The following ZNF32 variants were observed in gnomAD, a reference collection of about 807,000 sequenced individuals.
The protein encoded by ZNF32 is C2H2-546.
In ZNF32, 13 loss-of-function variants were observed where a neutral mutation model predicts 24.4. The observed-to-expected ratio is 0.53, with a 90% CI of 0.35 to 0.85. The LOEUF (loss-of-function observed/expected upper bound fraction) is 0.85. Among genes scored for constraint, ZNF32 ranks in the 40% least tolerant of loss-of-function variants. The probability of loss-of-function intolerance (pLI) is 0.01; values close to 1 mark genes in which losing one functional copy is unlikely to be tolerated. For missense variants in ZNF32, 239 were observed against 325.3 expected, an observed-to-expected ratio of 0.73 and a Z score of 2.04; for synonymous variants, 115 against 117.4, an observed-to-expected ratio of 0.98 and a Z score of 0.13.
intron 1 of ZNF32, chr10:43,647,973 AT>A (rs1318627379): frequency 6.6e-6 from 1 of 152,194 alleles, no homozygotes; most frequent in Non-Finnish European, 1.5e-5. Context: ...TTTCCCCAAG[AT>A]TTTGTAAAAG....
In ZNF32 at chr10:43,643,961, C is replaced by A; in HGVS notation, c.*89G>T. The A allele has an allele frequency of 7.2e-7, 1 of 1,382,254 alleles. No homozygotes were observed. Among genetic ancestry groups the A allele is most frequent in the Non-Finnish European group, 9.6e-7 (1 of 1,037,566 alleles). The allele number at this position is 1,382,254 out of a possible 1,614,324, so 85.6% of individuals were successfully genotyped here. On this transcript the variant is annotated 3_prime_UTR_variant, in exon 3 of 3. Transcript: ENST00000374433. ...ATGATGGTCTTTCTGAAAGATTCTC[C>A]ATTCATTCCATAGAACTGGATAGGT...
At chr10:43,648,289 T>A (rs1181945629) in intron 1 of ZNF32, among the ~76,000 whole-genome samples, 4 of 152,176 alleles carry the variant, frequency 2.6e-5, no homozygotes, top group African/African-American at 9.6e-5. Flanking sequence ...GGGGTACACT[T>A]GGCGGTCTGG....
chr10:43,646,607 T>C (rs1331265188), intron 1 of ZNF32, among the ~76,000 whole-genome samples: 1 of 152,224 alleles, frequency 6.6e-6, no homozygotes, highest in African/African-American at 2.4e-5. Flanking sequence ...TCATGATTGG[T>C]TGGAGCCAAT....
At position 43,644,278 on chromosome 10, in the gene ZNF32, G is replaced by A; in HGVS notation, c.594C>T (p.Phe198=). Residue 198 remains phenylalanine (F), a synonymous_variant, in exon 3 of 3, where the codon TTC becomes TTT. Coordinates refer to ENST00000374433, the MANE Select transcript of ZNF32 (RefSeq NM_006973.3). This position sits in a 1 kb window ranked among gnomAD's most constrained non-coding sequence, Gnocchi z 5.3. ...GAACAATTAAGCTTCCTTTCTGACTGAAGGCTTTTCCACACTGATCACATC... is the reference window on the plus strand; with the variant it reads ...GAACAATTAAGCTTCCTTTCTGACTAAAGGCTTTTCCACACTGATCACATC... ...PYRCDQCGKA[F]SQKGSLIVHI... 1 of 1,614,242 alleles carries A rather than the reference G, an allele frequency of 6.2e-7. No individual in the cohort carries two copies. Among genetic ancestry groups the A allele is most frequent in the Non-Finnish European group, 8.5e-7 (1 of 1,180,034 alleles).
chr10:43,644,070 A>G lies in ZNF32; in HGVS notation c.802T>C (p.Ser268Pro). 1.2e-6 allele frequency: 2 copies of G among 1,613,542 alleles called. No homozygotes were observed. The highest frequency in any genetic ancestry group is 1.7e-6 in the Non-Finnish European group (2 of 1,179,692). The change falls in exon 3 of 3, where the codon TCA becomes CCA. Residue 268 changes from serine to proline, a missense_variant. Physicochemically the swap from Ser to Pro is moderately conservative, Grantham distance 74. Transcript: ENST00000374433. This position sits in a 1 kb window ranked among gnomAD's most constrained non-coding sequence, Gnocchi z 5.3. ...GSLAVHQRSC[S>P]QRLTL Reference sequence around the variant, plus strand: ...AGTGGTCAAAGGGTGAGCCTCTGTGAGCAGCTTCGCTGGTGCACAGCCAGA... The same window carrying G: ...AGTGGTCAAAGGGTGAGCCTCTGTGGGCAGCTTCGCTGGTGCACAGCCAGA...
chr10:43,644,276 C>T lies in ZNF32; in HGVS notation c.596G>A (p.Ser199Asn). 6.2e-7 allele frequency: 1 copy of T among 1,614,234 alleles called. No homozygotes were observed. The highest frequency in any genetic ancestry group is 8.5e-7 in the Non-Finnish European group (1 of 1,180,050). ...GTGAACAATTAAGCTTCCTTTCTGACTGAAGGCTTTTCCACACTGATCACA... is the reference window on the plus strand; with the variant it reads ...GTGAACAATTAAGCTTCCTTTCTGATTGAAGGCTTTTCCACACTGATCACA... ...YRCDQCGKAF[S>N]QKGSLIVHIR... The change falls in exon 3 of 3, where the codon AGT (serine) becomes AAT (asparagine). Residue 199 changes from serine (S) to asparagine (N), a missense_variant. Transcript: ENST00000374433. The surrounding 1 kb of genome is among the most constrained non-coding windows in gnomAD (Gnocchi z 5.3).
At chr10:43,648,515 T>A (rs1370947569) in intron 1 of ZNF32, 1 of 151,866 alleles carries the variant, frequency 6.6e-6, no homozygotes, top group African/African-American at 2.4e-5. Flanking sequence ...GCCCTGCTCC[T>A]CTCCGCAGAC....
At chr10:43,646,920 CTT>C (rs1269181949) in intron 1 of ZNF32, among the ~76,000 whole-genome samples, 1 of 152,178 alleles carries the variant, frequency 6.6e-6, no homozygotes, top group Admixed American at 6.5e-5. Flanking sequence ...AATGTATGCT[CTT>C]ACATTAGACA....
intron 2 of ZNF32, chr10:43,645,019 A>G: frequency 1.9e-6 from 1 of 538,840 alleles, no homozygotes; most frequent in Admixed American, 3.6e-5. Flanking sequence ...GAGCTGACTC[A>G]AATAGGCATT....
At chr10:43,648,213 G>C (rs997973314) in intron 1 of ZNF32, among the ~76,000 whole-genome samples, 27 of 152,180 alleles carry the variant, frequency 1.8e-4, no homozygotes, top group African/African-American at 5.5e-4. Context: ...AACAAGAGGA[G>C]TATCAGACGA....
chr10:43,647,137 G>C (rs1402510554), intron 1 of ZNF32: 3 of 152,126 alleles, frequency 2.0e-5, no homozygotes, highest in African/African-American at 4.8e-5. Flanking sequence ...CTCAATTACA[G>C]CTTGCTGTGA....
rs1436858293 is a variant in ZNF32, at chr10:43,645,992, G to A, written c.70+72C>T. The A allele has an allele frequency of 2.1e-5, 33 of 1,591,328 alleles. 1 individual carries two copies. Among genetic ancestry groups the A allele is most frequent in the South Asian group, 5.7e-5 (5 of 88,040 alleles). ...GTCTCCTCTGCTTCCTCAGACTGCCGACCAGTGCTGAGAACAGGGACACTG... is the reference window on the plus strand; with the variant it reads ...GTCTCCTCTGCTTCCTCAGACTGCCAACCAGTGCTGAGAACAGGGACACTG... On this transcript the variant is annotated intron_variant, in intron 2 of 2. Coordinates refer to ENST00000374433, the MANE Select transcript of ZNF32 (RefSeq NM_006973.3).
In ZNF32 at chr10:43,644,044, A is replaced by G. The variant is rs889256063; in HGVS notation, c.*6T>C. Reference sequence around the variant, plus strand: ...TCATAAAGAGAACTTCTCTTCAGGAAAGTGGTCAAAGGGTGAGCCTCTGTG... The same window carrying G: ...TCATAAAGAGAACTTCTCTTCAGGAGAGTGGTCAAAGGGTGAGCCTCTGTG... On this transcript the variant is annotated 3_prime_UTR_variant, in exon 3 of 3. Coordinates refer to ENST00000374433, the MANE Select transcript of ZNF32 (RefSeq NM_006973.3). This position sits in a 1 kb window ranked among gnomAD's most constrained non-coding sequence, Gnocchi z 5.3. The G allele has an allele frequency of 3.1e-6, 5 of 1,601,942 alleles. No individual in the cohort carries two copies. The South Asian group carries it at 4.5e-5, about 14-fold the overall frequency.
intron 2 of ZNF32, among the ~76,000 whole-genome samples, chr10:43,645,730 AT>A (rs1027512088): frequency 1.1e-4 from 16 of 152,074 alleles, no homozygotes; most frequent in Non-Finnish European, 1.9e-4. Context: ...ATATGGGTCC[AT>A]TCATCACCAT....
At chr10:43,647,465 T>G (rs1355522722) in intron 1 of ZNF32, 1 of 152,226 alleles carries the variant, frequency 6.6e-6, no homozygotes, top group African/African-American at 2.4e-5. Flanking sequence ...AGTGGTTCAA[T>G]GCATACTCCT....
At chr10:43,648,368 C>T (rs1295738309) in intron 1 of ZNF32, among the ~76,000 whole-genome samples, 1 of 152,178 alleles carries the variant, frequency 6.6e-6, no homozygotes, top group Non-Finnish European at 1.5e-5. Flanking sequence ...CGCTGCCTGG[C>T]TTCCTACTCT....
chr10:43,648,265 G>A (rs554770936), intron 1 of ZNF32, among the ~76,000 whole-genome samples: 2 of 152,330 alleles, frequency 1.3e-5, no homozygotes, highest in African/African-American at 4.8e-5. Context: ...TCCTCTGGAG[G>A]GCGGATGAGA....
At position 43,644,710 on chromosome 10, in the gene ZNF32, C is replaced by G; in HGVS notation, c.162G>C (p.Lys54Asn). ...WDIQNSFRRE[K>N]LEQKSPDSKT... ...TCGAATCTGGGGATTTTTGTTCCAG[C>G]TTCTCTCTTCTGAAAGAATTTTGGA... The change falls in exon 3 of 3, where the codon AAG becomes AAC. Residue 54 changes from lysine to asparagine, a missense_variant. By Grantham distance (94) the Lys-to-Asn change is moderately conservative. Transcript: ENST00000374433. This position sits in a 1 kb window ranked among gnomAD's most constrained non-coding sequence, Gnocchi z 5.3. The G allele has an allele frequency of 6.2e-7, 1 of 1,614,132 alleles. No homozygotes were observed. Among genetic ancestry groups the G allele is most frequent in the Non-Finnish European group, 8.5e-7 (1 of 1,180,020 alleles).
chr10:43,643,878 G>T lies in ZNF32; in HGVS notation c.*172C>A. The T allele has an allele frequency of 3.1e-6, 2 of 649,284 alleles. No homozygotes were observed. The highest frequency in any genetic ancestry group is 5.1e-6 in the Non-Finnish European group (2 of 390,450). 40.2% of individuals were successfully genotyped at this position (649,284 alleles called of 1,614,324 possible). ...CATACATGATAATGATAATAAACAA[G>T]ACATTTATTTTTCATACTCTTTTGG... is the stretch of plus-strand genomic sequence containing the variant. On this transcript the variant is annotated 3_prime_UTR_variant, in exon 3 of 3. Coordinates refer to ENST00000374433, the MANE Select transcript of ZNF32 (RefSeq NM_006973.3).
Sources: allele counts gnomAD v4.1 joint callset (sites outside exome capture counted in the v4.1 genomes callset), GRCh38; gene constraint gnomAD v4.1.1; non-coding constraint Gnocchi (gnomAD v3.1); transcripts MANE v1.5; gene names NCBI Gene and HGNC (gene_info 2026-07-23, HGNC 2026-07-21).